The following GUCY2F variants were observed in gnomAD, a reference collection of about 807,000 sequenced individuals.
GUCY2F encodes retinal guanylyl cyclase 2.
Under a neutral mutation model 73.1 loss-of-function variants are expected in GUCY2F, and 61 were observed. The observed-to-expected ratio is 0.83, with a 90% CI of 0.68 to 1.03. The LOEUF (loss-of-function observed/expected upper bound fraction) is 1.03, where lower values mean the gene tolerates loss of function less well. GUCY2F is among the 50% of genes least tolerant of loss of function. The probability of loss-of-function intolerance (pLI) is 0.00; values close to 1 mark genes in which losing one functional copy is unlikely to be tolerated. For synonymous variants in GUCY2F, 331 were observed against 307.8 expected (o/e 1.08, Z -0.79); for missense variants, 912 against 854.3 (o/e 1.07, Z -0.84).
chrX:109,474,611 A>T (rs1350335194), intron 2 of GUCY2F, among the ~76,000 whole-genome samples: 1 of 111,981 alleles, frequency 8.9e-6, no homozygotes, highest in Non-Finnish European at 1.9e-5. Context: ...TTTTCATTTT[A>T]ATATGCTTTC....
At chrX:109,410,216 G>A (rs1446334544) in intron 8 of GUCY2F, among the ~76,000 whole-genome samples, 6 of 112,183 alleles carry the variant, frequency 5.3e-5, no homozygotes, top group Non-Finnish European at 1.1e-4. Context: ...AAATTCAATG[G>A]CCAAAGGGGA....
chrX:109,413,176 C>T (rs1465673332), intron 8 of GUCY2F, among the ~76,000 whole-genome samples: 1 of 112,075 alleles, frequency 8.9e-6, no homozygotes, highest in Non-Finnish European at 1.9e-5. Context: ...GAGAAGATCC[C>T]ATATAAAGAG....
At chrX:109,374,194 C>T (rs1453376308) in intron 19 of GUCY2F, among the ~76,000 whole-genome samples, 1 of 112,041 alleles carries the variant, frequency 8.9e-6, no homozygotes, top group East Asian at 2.8e-4. Flanking sequence ...GGACTTAGGA[C>T]AAGCCTTCTG....
At chrX:109,446,331 C>A (rs922316709) in intron 6 of GUCY2F, among the ~76,000 whole-genome samples, 2 of 111,398 alleles carry the variant, frequency 1.8e-5, no homozygotes, top group Non-Finnish European at 3.8e-5. Flanking sequence ...ATGCTAAGCC[C>A]AAAGAACAAA....
intron 7 of GUCY2F, 47 bp from the exon 8 acceptor site, chrX:109,430,443 A>C (rs1346398293): frequency 1.4e-6 from 1 of 704,186 alleles, no homozygotes; most frequent in South Asian, 2.2e-5. Flanking sequence ...CTTAGTTGCC[A>C]GCAGTTTTAG....
intron 6 of GUCY2F, among the ~76,000 whole-genome samples, chrX:109,444,281 G>A (rs1031104602): frequency 8.9e-6 from 1 of 112,000 alleles, no homozygotes; most frequent in Non-Finnish European, 1.9e-5. Context: ...TCAAACAGCT[G>A]AACAATTAAT....
chrX:109,469,210 T>C (rs908113541), intron 2 of GUCY2F, among the ~76,000 whole-genome samples: 1 of 111,555 alleles, frequency 9.0e-6, no homozygotes, highest in Non-Finnish European at 1.9e-5. Context: ...GCACCAACCA[T>C]AGCAGGCTGT....
chrX:109,480,874 G>C (rs1306075917), intron 1 of GUCY2F, among the ~76,000 whole-genome samples: 3 of 107,336 alleles, frequency 2.8e-5, no homozygotes, highest in African/African-American at 1.0e-4. Flanking sequence ...AGATTTTACA[G>C]AAGGAAACTT....
intron 16 of GUCY2F, among the ~76,000 whole-genome samples, chrX:109,383,037 T>TTA (rs1556028019): frequency 3.6e-5 from 4 of 109,668 alleles, no homozygotes; most frequent in African/African-American, 1.3e-4. Context: ...TCATTTTTTT[T>TTA]AAAAAAAAAG....
chrX:109,427,819 T>A (rs1931522547), intron 8 of GUCY2F, among the ~76,000 whole-genome samples: 1 of 112,055 alleles, frequency 8.9e-6, no homozygotes, highest in Admixed American at 9.5e-5. Flanking sequence ...GTCATGAGGA[T>A]AATGGGAAGG....
At chrX:109,382,545 A>G (rs935407102) in intron 16 of GUCY2F, among the ~76,000 whole-genome samples, 1 of 112,587 alleles carries the variant, frequency 8.9e-6, no homozygotes, top group Non-Finnish European at 1.9e-5. Flanking sequence ...CGTCATTTGA[A>G]GAAAGCTTGA....
At chrX:109,430,496 A>T in intron 7 of GUCY2F, 100 bp from the exon 8 acceptor site, 2 of 520,169 alleles carry the variant, frequency 3.8e-6, no homozygotes, top group Admixed American at 5.9e-5. Flanking sequence ...CTATACCAGC[A>T]ATCCAAATAG....
chrX:109,404,573 G>T, intron 9 of GUCY2F, 89 bp from the exon 10 acceptor site: 1 of 629,439 alleles, frequency 1.6e-6, no homozygotes, highest in Non-Finnish European at 2.5e-6. Context: ...AATGGCATGA[G>T]CTATTATGAT....
chrX:109,392,648 A>AG (rs113553105), intron 13 of GUCY2F, among the ~76,000 whole-genome samples: 11,517 of 111,619 alleles, frequency 0.1, 1,426 homozygotes, highest in African/African-American at 0.34. Context: ...AGAAAAAACA[A>AG]GCACAAAAAC....
intron 15 of GUCY2F, among the ~76,000 whole-genome samples, chrX:109,385,935 C>T (rs1398024710): frequency 9.0e-6 from 1 of 111,405 alleles, no homozygotes; most frequent in Non-Finnish European, 1.9e-5. Flanking sequence ...CCAGAAAGTT[C>T]TTCACCTTCA....
intron 8 of GUCY2F, 64 bp from the exon 9 acceptor site, chrX:109,409,232 G>GACA: frequency 3.4e-6 from 2 of 581,515 alleles, no homozygotes; most frequent in Non-Finnish European, 5.8e-6. Context: ...CCACAGTTGA[G>GACA]GGCACATAAC....
intron 6 of GUCY2F, among the ~76,000 whole-genome samples, chrX:109,444,679 C>T (rs1204533173): frequency 1.2e-4 from 13 of 111,445 alleles, no homozygotes; most frequent in South Asian, 3.8e-4. Flanking sequence ...AATATAAAGA[C>T]GTGAAATATG....
chrX:109,387,264 G>A (rs1453166162), intron 15 of GUCY2F, among the ~76,000 whole-genome samples: 5 of 112,255 alleles, frequency 4.5e-5, no homozygotes, highest in Non-Finnish European at 7.5e-5. Context: ...GAACGTTAAA[G>A]GTCAGAGTAA....
chrX:109,385,933 T>C (rs969100722), intron 15 of GUCY2F, among the ~76,000 whole-genome samples: 2 of 111,576 alleles, frequency 1.8e-5, no homozygotes, highest in African/African-American at 6.5e-5. Flanking sequence ...ATCCAGAAAG[T>C]TCTTCACCTT....
Sources: allele counts gnomAD v4.1 joint callset (sites outside exome capture counted in the v4.1 genomes callset), GRCh38; gene constraint gnomAD v4.1.1; transcripts MANE v1.5; gene names NCBI Gene and HGNC (gene_info 2026-07-23, HGNC 2026-07-21).